Variants in EAPP observed in about 807,000 individuals in gnomAD.
EAPP encodes E2F-associated phosphoprotein.
In EAPP, 38 loss-of-function variants were observed where a neutral mutation model predicts 34.3. The observed-to-expected ratio is 1.11, with a 90% CI of 0.85 to 1.45. The LOEUF is 1.45. Among genes scored for constraint, EAPP ranks in the 40% most tolerant of loss-of-function variants. The pLI is 0.00. For missense variants in EAPP, 338 were observed against 343.7 expected (o/e 0.98, Z 0.13); for synonymous variants, 113 against 117.6 (o/e 0.96, Z 0.25).
At chr14:34,536,610 ACATACCAC>A (rs1299851133) in intron 1 of EAPP, among the ~76,000 whole-genome samples, 3 of 151,776 alleles carry the variant, frequency 2.0e-5, no homozygotes, top group Admixed American at 2.0e-4. Flanking sequence ...AACTACAGGC[ACATACCAC>A]CATTCCCAGC....
At chr14:34,519,709 T>C (rs77958487) in intron 5 of EAPP, among the ~76,000 whole-genome samples, 10,066 of 152,078 alleles carry the variant, frequency 0.066, 684 homozygotes, top group African/African-American at 0.18. Flanking sequence ...TTTTTCTGGT[T>C]GTTTTGTAAC....
chr14:34,522,845 G>C (rs926192971), intron 5 of EAPP, among the ~76,000 whole-genome samples: 4 of 152,026 alleles, frequency 2.6e-5, no homozygotes, highest in African/African-American at 9.7e-5. Flanking sequence ...CTATCCTCAG[G>C]GATATTTTTT....
chr14:34,539,087 T>C (rs567747496), intron 1 of EAPP, among the ~76,000 whole-genome samples: 1 of 152,356 alleles, frequency 6.6e-6, no homozygotes, highest in African/African-American at 2.4e-5. Flanking sequence ...GGCTGTTCAA[T>C]ATTCCCTTAT....
chr14:34,533,031 C>CTTTA (rs903902549), intron 3 of EAPP, among the ~76,000 whole-genome samples: 56 of 149,986 alleles, frequency 3.7e-4, no homozygotes, highest in East Asian at 1.6e-3. Context: ...ATGGCATCCA[C>CTTTA]TTTATTTATT....
intron 3 of EAPP, among the ~76,000 whole-genome samples, 167 bp from the exon 4 acceptor site, chr14:34,529,642 G>A (rs529932590): frequency 6.6e-6 from 1 of 152,286 alleles, no homozygotes; most frequent in South Asian, 2.1e-4. Flanking sequence ...CACTTTGGGA[G>A]GCCAAGGTGG....
At chr14:34,519,528 C>A (rs959179871) in intron 5 of EAPP, among the ~76,000 whole-genome samples, 1 of 150,432 alleles carries the variant, frequency 6.6e-6, no homozygotes, top group South Asian at 2.1e-4. Context: ...AGCAAGACTC[C>A]CTCTCAAAAA....
chr14:34,534,845 T>C (rs1013413894), intron 2 of EAPP, among the ~76,000 whole-genome samples: 7 of 151,638 alleles, frequency 4.6e-5, no homozygotes, highest in Non-Finnish European at 8.8e-5. Flanking sequence ...CACAAATTTT[T>C]TTTTTTTTTT....
chr14:34,534,527 T>A (rs1880401536), intron 2 of EAPP, among the ~76,000 whole-genome samples: 1 of 152,128 alleles, frequency 6.6e-6, no homozygotes, highest in Non-Finnish European at 1.5e-5. Flanking sequence ...CTCACTAAAG[T>A]GAAACAGAAA....
rs10134300 is a variant in EAPP at position 34,527,830 on chromosome 14, C to T, written c.470+1528G>A. Among the ~76,000 whole-genome samples, 929 of 152,180 alleles carry T rather than the reference C, an allele frequency of 6.1e-3. 10 individuals carry two copies. The highest frequency in any genetic ancestry group is 0.021 in the African/African-American group (877 of 41,550). Reference sequence around the variant, plus strand: ...GGGGAAGGGTAGGGAAACTACCTAACAGTACAGCGTTTCCTTTTGGGATGA... The same window carrying T: ...GGGGAAGGGTAGGGAAACTACCTAATAGTACAGCGTTTCCTTTTGGGATGA... On this transcript the variant is annotated intron_variant, in intron 4 of 5. Transcript: ENST00000250454.
rs774636817 is a variant in EAPP at position 34,516,338 on chromosome 14, A to C, written c.830T>G (p.Phe277Cys). The change falls in exon 6 of 6, where the codon TTT becomes TGT. Residue 277 changes from phenylalanine to cysteine, a missense_variant. Phe to Cys is a radical substitution (Grantham distance 205). Coordinates refer to ENST00000250454, the MANE Select transcript of EAPP (RefSeq NM_018453.4). ...AVYDKDEVFH[F>C]FNVLASHS is the part of the protein sequence containing the mutation. ...GGAATGGCTTGCTAAAACATTGAAA[A>C]AATGAAAGACTTCATCCTTGTCGTA... 2 of 1,612,680 alleles carry C rather than the reference A, an allele frequency of 1.2e-6. No homozygotes were observed. The highest frequency in any genetic ancestry group is 1.7e-6 in the Non-Finnish European group (2 of 1,179,156).
rs1880461464 is a variant in EAPP, at chr14:34,536,088, G to A, written c.256+6C>T. ...AAATATATATAAAATTGAACCAAAA[G>A]TTTACCAGTTCCCAGAGAGGATAAC... On this transcript the variant is annotated splice_donor_region_variant and intron_variant, in intron 2 of 5. Transcript: ENST00000250454. 3 of 1,601,512 alleles carry A rather than the reference G, an allele frequency of 1.9e-6. No homozygotes were observed. Among genetic ancestry groups the A allele is most frequent in the South Asian group, 1.1e-5 (1 of 88,008 alleles).
At chr14:34,529,030 G>C (rs926058908) in intron 4 of EAPP, among the ~76,000 whole-genome samples, 1 of 151,970 alleles carries the variant, frequency 6.6e-6, no homozygotes, top group African/African-American at 2.4e-5. Context: ...CAACTACTCG[G>C]GAAGCTGAGG....
intron 5 of EAPP, among the ~76,000 whole-genome samples, chr14:34,516,805 G>C (rs1650715006): frequency 6.6e-6 from 1 of 152,180 alleles, no homozygotes; most frequent in Non-Finnish European, 1.5e-5. Flanking sequence ...TTAGCCTCAA[G>C]TGATCCTCCT....
Position 34,539,578 on chromosome 14 carries a change from G to T in EAPP, c.51C>A (p.Ser17Arg). 2 of 1,603,110 alleles carry T rather than the reference G, an allele frequency of 1.2e-6. No homozygotes were observed. The highest frequency in any genetic ancestry group is 1.7e-6 in the Non-Finnish European group (2 of 1,175,148). The change falls in exon 1 of 6, where the codon AGC (serine) becomes AGA (arginine). Residue 17 changes from serine (S) to arginine (R), a missense_variant. Physicochemically the swap from Ser to Arg is moderately radical, Grantham distance 110. Coordinates refer to ENST00000250454, the MANE Select transcript of EAPP (RefSeq NM_018453.4). ...DYDPYAVEEP[S>R]DEEPALSSSE... ...ACCTGCTCAAAGCCGGCTCCTCGTC[G>T]CTAGGCTCTTCAACCGCGTAGGGGT...
rs368178093 is a variant in EAPP at position 34,516,557 on chromosome 14, G to A, written c.611C>T (p.Ala204Val). The A allele has an allele frequency of 5.6e-6, 9 of 1,613,518 alleles. No homozygotes were observed. The highest frequency in any genetic ancestry group is 1.7e-5 in the Admixed American group (1 of 59,868). Reference protein sequence around the residue: ...RHESYKTQYRAMFVMNCSINK... With the variant: ...RHESYKTQYRVMFVMNCSINK... Reference sequence around the variant, plus strand: ...AATAGAACAATTCATTACAAACATTGCTCTATATTGAGTTTTGTATGATTC... The same window carrying A: ...AATAGAACAATTCATTACAAACATTACTCTATATTGAGTTTTGTATGATTC... The change falls in exon 6 of 6, where the codon GCA becomes GTA. Residue 204 changes from alanine to valine, a missense_variant. Transcript: ENST00000250454.
intron 4 of EAPP, among the ~76,000 whole-genome samples, chr14:34,526,220 G>C (rs1381741196): frequency 6.6e-6 from 1 of 150,428 alleles, no homozygotes; most frequent in Non-Finnish European, 1.5e-5. Flanking sequence ...CACAAGGTCA[G>C]GAGTTCAAGA....
intron 5 of EAPP, among the ~76,000 whole-genome samples, chr14:34,520,136 C>T (rs1395993486): frequency 2.0e-5 from 3 of 151,842 alleles, no homozygotes; most frequent in Non-Finnish European, 4.4e-5. Context: ...ATCCACCTGC[C>T]TCAGCCTCCC....
At chr14:34,536,435 C>T in intron 1 of EAPP, 160 bp from the exon 2 acceptor site, 9 of 418,750 alleles carry the variant, frequency 2.1e-5, no homozygotes, top group Admixed American at 4.6e-5. Flanking sequence ...TAAGCCAGTT[C>T]TGCATATTTC....
At chr14:34,522,048 T>TTGGAG (rs1879936042) in intron 5 of EAPP, among the ~76,000 whole-genome samples, 1 of 152,130 alleles carries the variant, frequency 6.6e-6, no homozygotes, top group African/African-American at 2.4e-5. Context: ...AGCCTCGACT[T>TTGGAG]CCAGGGCTCA....
Sources: gnomAD v4.1 joint callset for allele counts (sites outside exome capture counted in the v4.1 genomes callset) on GRCh38, gnomAD v4.1.1 for gene constraint, MANE v1.5 for transcripts, NCBI Gene and HGNC (gene_info 2026-07-23, HGNC 2026-07-21) for gene names.